MDGA2: variants seen among roughly 807,000 people sequenced by gnomAD.
MDGA2 encodes the protein MAM domain containing glycosylphosphatidylinositol anchor 2, also known as MAM domain-containing glycosylphosphatidylinositol anchor protein 2.
Under a neutral mutation model 117.8 loss-of-function variants are expected in MDGA2, and 40 were observed. That is an observed-to-expected ratio of 0.34 (90% CI 0.26 to 0.44). MDGA2 has a LOEUF of 0.44. Ranked by LOEUF, MDGA2 falls within the 20% of genes least tolerant of loss-of-function variation. The pLI, the probability that MDGA2 is intolerant of heterozygous loss-of-function variation, is 1.00. For synonymous variants in MDGA2, 452 were observed against 439.0 expected (o/e 1.03, Z -0.37); for missense variants, 1,123 against 1,250.6 (o/e 0.90, Z 1.54).
chr14:47,448,155 A>T (rs913269541), intron 1 of MDGA2, among the ~76,000 whole-genome samples: 4 of 150,214 alleles, frequency 2.7e-5, no homozygotes, highest in African/African-American at 4.9e-5. Context: ...ATTTTATTTT[A>T]TTTTATTTTT....
intron 1 of MDGA2, among the ~76,000 whole-genome samples, chr14:47,481,957 A>AC (rs1209924944): frequency 6.6e-6 from 1 of 151,968 alleles, no homozygotes; most frequent in African/African-American, 2.4e-5. Flanking sequence ...GGATATTGTT[A>AC]CCCCCAATTC....
intron 5 of MDGA2, among the ~76,000 whole-genome samples, chr14:47,099,974 T>C (rs923527784): frequency 6.6e-6 from 1 of 152,006 alleles, no homozygotes; most frequent in Non-Finnish European, 1.5e-5. Flanking sequence ...AGGCAGTAAA[T>C]GGGAAAATGA....
intron 1 of MDGA2, among the ~76,000 whole-genome samples, chr14:47,424,870 CAT>C (rs1270219910): frequency 6.6e-6 from 1 of 152,106 alleles, no homozygotes; most frequent in African/African-American, 2.4e-5. Context: ...TCCATAATCT[CAT>C]AGTTTTTATT....
chr14:47,168,911 C>T (rs1179480763), intron 3 of MDGA2, among the ~76,000 whole-genome samples: 2 of 152,004 alleles, frequency 1.3e-5, no homozygotes, highest in Non-Finnish European at 2.9e-5. Flanking sequence ...ACCTTAGCAA[C>T]ATTTAGATCT....
chr14:46,871,119 C>A (rs1881977439), intron 14 of MDGA2: 2 of 149,542 alleles, frequency 1.3e-5, no homozygotes, highest in Admixed American at 1.3e-4. Context: ...TATAGTAATC[C>A]CACAATAAAT....
At chr14:47,470,172 T>C (rs530907930) in intron 1 of MDGA2, among the ~76,000 whole-genome samples, 154 of 152,108 alleles carry the variant, frequency 1.0e-3, no homozygotes, top group Non-Finnish European at 1.7e-3. Context: ...ACGTGCAGTT[T>C]TGTTACATAG....
intron 9 of MDGA2, among the ~76,000 whole-genome samples, chr14:46,941,459 T>G (rs867365437): frequency 3.3e-5 from 5 of 151,828 alleles, no homozygotes; most frequent in African/African-American, 1.2e-4. Flanking sequence ...TGACCACTCT[T>G]AGTTTCAGGC....
chr14:46,876,315 CT>C (rs1882227343), intron 12 of MDGA2, among the ~76,000 whole-genome samples: 1 of 151,356 alleles, frequency 6.6e-6, no homozygotes. Context: ...AGTCCTGTCA[CT>C]TTAAAAAGAG....
intron 1 of MDGA2, among the ~76,000 whole-genome samples, chr14:47,343,758 C>T (rs1890700433): frequency 6.6e-6 from 1 of 152,014 alleles, no homozygotes; most frequent in Admixed American, 6.6e-5. Context: ...CCCTAGTGCT[C>T]TAGGCCTTTT....
At chr14:46,895,759 A>G (rs1883052773) in intron 10 of MDGA2, among the ~76,000 whole-genome samples, 1 of 151,976 alleles carries the variant, frequency 6.6e-6, no homozygotes, top group Admixed American at 6.6e-5. Flanking sequence ...AACTAGGTAT[A>G]TTTCTATAAA....
rs187284060 is a variant in MDGA2, at chr14:47,157,198, G to A, written c.596-12924C>T. 1.0e-3 allele frequency among the ~76,000 whole-genome samples: 153 copies of A among 152,124 alleles called. 2 individuals are homozygous for A. The highest frequency in any genetic ancestry group is 8.7e-3 in the Admixed American group (133 of 15,288). On this transcript the variant is annotated intron_variant, in intron 3 of 16. Transcript: ENST00000399232. Reference sequence around the variant, plus strand: ...TCCTACATAGCAATTTTTGAATAACGGGTAATCTTATTTGATCATTCATAA... The same window carrying A: ...TCCTACATAGCAATTTTTGAATAACAGGTAATCTTATTTGATCATTCATAA...
chr14:47,662,980 A>G (rs542311814), intron 1 of MDGA2, among the ~76,000 whole-genome samples: 34 of 152,378 alleles, frequency 2.2e-4, no homozygotes, highest in South Asian at 1.0e-3. Flanking sequence ...AAATGCATAC[A>G]GCATCTCTGT....
intron 1 of MDGA2, among the ~76,000 whole-genome samples, chr14:47,404,931 C>G (rs1892230045): frequency 6.6e-6 from 1 of 152,114 alleles, no homozygotes; most frequent in Admixed American, 6.5e-5. Context: ...TTGTTTGCAT[C>G]ATAAAGACTT....
intron 10 of MDGA2, among the ~76,000 whole-genome samples, chr14:46,913,872 A>G (rs904286614): frequency 2.2e-5 from 2 of 92,270 alleles, no homozygotes; most frequent in African/African-American, 6.8e-5. Context: ...AAATTACCAT[A>G]TAACTAATTT....
At chr14:47,042,348 T>C (rs550195349) in intron 7 of MDGA2, among the ~76,000 whole-genome samples, 1 of 149,552 alleles carries the variant, frequency 6.7e-6, no homozygotes, top group South Asian at 2.1e-4. Context: ...TGTGTGTGTA[T>C]GCACACGCAT....
chr14:47,350,035 A>G lies in MDGA2; in HGVS notation c.281-48485T>C, dbSNP rs543173367. Among the ~76,000 whole-genome samples, 32 of 152,358 alleles carry G rather than the reference A, an allele frequency of 2.1e-4. No homozygotes were observed. In the South Asian group the frequency reaches 6.2e-3, roughly 30 times the overall value. ...TAGGACGGGGACCTTATAACCCTGA[A>G]GTCAGCATATGACTGACTGTGTCCA... is the stretch of plus-strand genomic sequence containing the variant. On this transcript the variant is annotated intron_variant, in intron 1 of 16. Transcript: ENST00000399232.
intron 2 of MDGA2, among the ~76,000 whole-genome samples, chr14:47,275,601 C>G (rs1388391722): frequency 6.6e-6 from 1 of 151,932 alleles, no homozygotes; most frequent in East Asian, 1.9e-4. Flanking sequence ...GTCAAATATA[C>G]CTAAAAAGCT....
At chr14:46,852,954 TA>T (rs771966692) in intron 15 of MDGA2, among the ~76,000 whole-genome samples, 1 of 151,396 alleles carries the variant, frequency 6.6e-6, no homozygotes, top group Non-Finnish European at 1.5e-5. Flanking sequence ...ACCAGACTTG[TA>T]AAAAAAATAA....
intron 1 of MDGA2, among the ~76,000 whole-genome samples, chr14:47,466,900 T>C (rs1893615881): frequency 6.6e-6 from 1 of 152,062 alleles, no homozygotes; most frequent in South Asian, 2.1e-4. Flanking sequence ...ACCCTTGCAC[T>C]TTACCGGGCA....
Sources: gnomAD v4.1 joint callset for allele counts (sites outside exome capture counted in the v4.1 genomes callset) on GRCh38, gnomAD v4.1.1 for gene constraint, MANE v1.5 for transcripts, NCBI Gene and HGNC (gene_info 2026-07-23, HGNC 2026-07-21) for gene names.